BRWD1: variants seen among roughly 807,000 people sequenced by gnomAD.
BRWD1 encodes the protein bromodomain and WD repeat domain containing 1.
Under a neutral mutation model 251.2 loss-of-function variants are expected in BRWD1, and 82 were observed. The observed-to-expected ratio is 0.33, with a 90% CI of 0.27 to 0.39. The LOEUF (loss-of-function observed/expected upper bound fraction) is 0.39. Among genes scored for constraint, BRWD1 ranks in the 10% least tolerant of loss-of-function variants. The probability of loss-of-function intolerance (pLI) is 1.00; values close to 1 mark genes in which losing one functional copy is unlikely to be tolerated. For missense variants in BRWD1, 2,233 were observed against 2,711.6 expected (o/e 0.82, Z 3.92); for synonymous variants, 918 against 902.8 (o/e 1.02, Z -0.30).
chr21:39,255,766 G>C lies in BRWD1; in HGVS notation c.2134C>G (p.Gln712Glu). 1 of 1,614,090 alleles carries C rather than the reference G, an allele frequency of 6.2e-7. No homozygotes were observed. The highest frequency in any genetic ancestry group is 2.2e-5 in the East Asian group (1 of 44,886). Residue 712 changes from glutamine (Q) to glutamate (E), a missense_variant, in exon 19 of 41, where the codon CAA becomes GAA. Coordinates refer to ENST00000342449, the MANE Select transcript of BRWD1 (RefSeq NM_033656.4). ...PPNIGLRRSG[Q>E]VEGVRQMHQN... ...TGCATCTGACGAACACCTTCAACTT[G>C]TCCACTACGACGCAGACCAATATTT...
intron 21 of BRWD1, among the ~76,000 whole-genome samples, chr21:39,240,938 T>A (rs1439263475): frequency 6.6e-6 from 1 of 151,824 alleles, no homozygotes; most frequent in Admixed American, 6.6e-5. Flanking sequence ...TTTCACTCTG[T>A]CACCCAGGCT....
At chr21:39,229,891 C>T (rs989556439) in intron 25 of BRWD1, among the ~76,000 whole-genome samples, 11 of 152,078 alleles carry the variant, frequency 7.2e-5, no homozygotes, top group Admixed American at 5.2e-4. Context: ...GTACAACATG[C>T]CACCACACCA....
chr21:39,205,114 CAT>C, intron 37 of BRWD1, among the ~76,000 whole-genome samples: 1 of 152,244 alleles, frequency 6.6e-6, no homozygotes, highest in African/African-American at 2.4e-5. Flanking sequence ...CTATAAAACC[CAT>C]GACTAGTCTT....
At chr21:39,223,956 C>T (rs2033281625) in intron 29 of BRWD1, among the ~76,000 whole-genome samples, 1 of 152,210 alleles carries the variant, frequency 6.6e-6, no homozygotes, top group Admixed American at 6.5e-5. Context: ...TCAAACAATT[C>T]TCCTGCCTCA....
In BRWD1 at chr21:39,198,786, T is replaced by C. The variant is rs1206893643; in HGVS notation, c.5630A>G (p.Glu1877Gly). The change falls in exon 40 of 41, where the codon GAA becomes GGA. Residue 1877 changes from glutamate to glycine, a missense_variant. Coordinates refer to ENST00000342449, the MANE Select transcript of BRWD1 (RefSeq NM_033656.4). ...ACCTTTCATAAAATTGTTTGGTTTT[T>C]CTATTTTGTCATCATCTGAATCTAA... ...TDLDSDDDKIEKPNNFMKDSA... is the reference protein window; with the variant it reads ...TDLDSDDDKIGKPNNFMKDSA... 11 of 1,588,340 alleles carry C rather than the reference T, an allele frequency of 6.9e-6. No individual in the cohort carries two copies. The African/African-American group carries it at 1.1e-4, about 16-fold the overall frequency.
chr21:39,315,681 C>T (rs1447110564), upstream of BRWD1: 1 of 151,644 alleles, frequency 6.6e-6, no homozygotes, highest in African/African-American at 2.4e-5. Context: ...TATGTTTGAG[C>T]TAGTGCAACA....
Position 39,196,124 on chromosome 21 carries a change from G to C in BRWD1, c.*135C>G, listed in dbSNP as rs1157617884. 10 of 1,435,536 alleles carry C rather than the reference G, an allele frequency of 7.0e-6. No homozygotes were observed. Among genetic ancestry groups the C allele is most frequent in the Non-Finnish European group, 9.1e-6 (10 of 1,101,508 alleles). 88.9% of individuals were successfully genotyped at this position (1,435,536 alleles called of 1,614,324 possible). On this transcript the variant is annotated 3_prime_UTR_variant, in exon 41 of 41. Coordinates refer to ENST00000342449, the MANE Select transcript of BRWD1 (RefSeq NM_033656.4). Reference sequence around the variant, plus strand: ...AAATAAAAATAACAGTCATGATTTAGTCACATTCATAACTTTTCATAGAAA... The same window carrying C: ...AAATAAAAATAACAGTCATGATTTACTCACATTCATAACTTTTCATAGAAA...
chr21:39,313,375 C>CGGGGGAGCA, intron 1 of BRWD1, 68 bp downstream of exon 1: 1 of 1,485,128 alleles, frequency 6.7e-7, no homozygotes, highest in Non-Finnish European at 9.0e-7. Context: ...CCGGGGGAGC[C>CGGGGGAGCA]CGGGGAGCCG....
chr21:39,211,162 C>CTA (rs1057274037), intron 34 of BRWD1, among the ~76,000 whole-genome samples: 1 of 152,132 alleles, frequency 6.6e-6, no homozygotes, highest in Non-Finnish European at 1.5e-5. Flanking sequence ...CATACTCTAA[C>CTA]AAGAGCACAT....
rs536710313 is a variant in BRWD1, at chr21:39,300,975, G to A, written c.199-2393C>T. Among the ~76,000 whole-genome samples, 10 of 152,250 alleles carry A rather than the reference G, an allele frequency of 6.6e-5. No individual in the cohort carries two copies. The South Asian group carries it at 1.0e-3, about 16-fold the overall frequency. The stretch of plus-strand genomic sequence containing the variant: ...GGGCAGATTACGAGGTCAGGAGATC[G>A]AGACCATCCTGGCTAACACGGTAAA... On this transcript the variant is annotated intron_variant, in intron 4 of 40. Coordinates refer to ENST00000342449, the MANE Select transcript of BRWD1 (RefSeq NM_033656.4).
intron 8 of BRWD1, among the ~76,000 whole-genome samples, chr21:39,292,364 A>G (rs1179718564): frequency 6.6e-6 from 1 of 152,198 alleles, no homozygotes; most frequent in East Asian, 1.9e-4. Flanking sequence ...TAGTAAGAGT[A>G]ACATTTTCTG....
At chr21:39,264,022 T>C (rs1024690882) in intron 17 of BRWD1, among the ~76,000 whole-genome samples, 10 of 152,114 alleles carry the variant, frequency 6.6e-5, no homozygotes, top group Admixed American at 3.3e-4. Context: ...TACATCAACA[T>C]CATGAAAGTC....
intron 34 of BRWD1, among the ~76,000 whole-genome samples, chr21:39,212,253 T>A (rs200021209): frequency 6.6e-6 from 1 of 152,320 alleles, no homozygotes; most frequent in East Asian, 1.9e-4. Context: ...GGCTGTTCAA[T>A]TGATTCTCTA....
intron 11 of BRWD1, among the ~76,000 whole-genome samples, chr21:39,276,658 A>T (rs1316873121): frequency 2.6e-5 from 4 of 152,214 alleles, no homozygotes; most frequent in Admixed American, 6.5e-5. Flanking sequence ...CAAATAAAAG[A>T]AAAGATGGCC....
In BRWD1 at chr21:39,199,419, G is replaced by A; in HGVS notation, c.4997C>T (p.Ala1666Val). Residue 1666 changes from alanine (A) to valine (V), a missense_variant, in exon 40 of 41, where the codon GCT (alanine) becomes GTT (valine). Around this residue, in one of 12 missense-constraint regions of BRWD1, gnomAD observed 928 missense variants for 970.0 expected, o/e 0.96. Transcript: ENST00000342449. The part of the protein sequence containing the change: ...CSGRKLPHRN[A>V]SAVARKKLLH... ...TAACTTTTTTCTAGCTACAGCAGAA[G>A]CATTGCGGTGAGGCAGCTTCCGACC... 1 of 1,614,244 alleles carries A rather than the reference G, an allele frequency of 6.2e-7. No homozygotes were observed. Among genetic ancestry groups the A allele is most frequent in the Non-Finnish European group, 8.5e-7 (1 of 1,180,044 alleles).
At chr21:39,279,365 G>A (rs1191304286) in intron 9 of BRWD1, among the ~76,000 whole-genome samples, 2 of 152,050 alleles carry the variant, frequency 1.3e-5, no homozygotes, top group African/African-American at 4.8e-5. Context: ...CAGGCCAGGC[G>A]TGGTGGCTCA....
chr21:39,264,779 G>C lies in BRWD1; in HGVS notation c.1660-94C>G, dbSNP rs2034868257. The C allele has an allele frequency of 8.6e-6, 13 of 1,510,854 alleles. No homozygotes were observed. In the South Asian group the frequency reaches 1.5e-4, roughly 17 times the overall value. The allele number at this position is 1,510,854 out of a possible 1,614,324, so 93.6% of individuals were successfully genotyped here. A position where few individuals can be genotyped will look rare whatever the true frequency, so the allele number is the denominator to read the frequency against. On this transcript the variant is annotated intron_variant, in intron 16 of 40. Transcript: ENST00000342449. ...AGTTAATTAAAACTAGAAAAACAAG[G>C]AAATCAAATCACTCAGCTAAACTGT...
In BRWD1 at chr21:39,255,777, C is replaced by T. The variant is rs1326377986; in HGVS notation, c.2123G>A (p.Arg708His). Residue 708 changes from arginine (R) to histidine (H), a missense_variant, in exon 19 of 41, where the codon CGT becomes CAT. Arg to His is a conservative substitution (Grantham distance 29, BLOSUM62 0). This residue lies in a region of BRWD1 where 35 missense variants were observed against 76.3 expected (regional missense o/e 0.46). Transcript: ENST00000342449. ...DIQSPPNIGL[R>H]RSGQVEGVRQ... ...AACACCTTCAACTTGTCCACTACGA[C>T]GCAGACCAATATTTGGAGGGGACTG... 7 of 1,614,018 alleles carry T rather than the reference C, an allele frequency of 4.3e-6. No individual in the cohort carries two copies. The highest frequency in any genetic ancestry group is 1.3e-5 in the African/African-American group (1 of 74,908).
intron 17 of BRWD1, among the ~76,000 whole-genome samples, chr21:39,262,059 AT>A (rs2034768553): frequency 6.6e-6 from 1 of 152,214 alleles, no homozygotes; most frequent in Admixed American, 6.5e-5. Context: ...AACAAAAAAT[AT>A]TTTCAGAGAT....
Sources: gnomAD v4.1 joint callset for allele counts (sites outside exome capture counted in the v4.1 genomes callset) on GRCh38, gnomAD v4.1.1 for gene constraint, gnomAD v4.1.1 regional missense constraint, MANE v1.5 for transcripts, NCBI Gene and HGNC (gene_info 2026-07-23, HGNC 2026-07-21) for gene names.